The following C12orf42 variants were observed in gnomAD, a reference collection of about 807,000 sequenced individuals.
The protein encoded by C12orf42 is uncharacterized protein C12orf42.
Under a neutral mutation model 21.6 loss-of-function variants are expected in C12orf42, and 25 were observed. The ratio of observed to expected loss-of-function variants is 1.16; its 90% CI spans 0.84 to 1.62. C12orf42 has a LOEUF of 1.62. C12orf42 is among the 40% of genes most tolerant of loss of function. The probability of loss-of-function intolerance (pLI) is 0.00; values close to 1 mark genes in which losing one functional copy is unlikely to be tolerated. For missense variants in C12orf42, 483 were observed against 459.3 expected (o/e 1.05, Z -0.47); for synonymous variants, 174 against 175.0 (o/e 0.99, Z 0.05).
intron 2 of C12orf42, among the ~76,000 whole-genome samples, chr12:103,426,981 C>A (rs558671443): frequency 2.0e-5 from 3 of 152,190 alleles, no homozygotes; most frequent in African/African-American, 2.4e-5. Flanking sequence ...AAAGAAAAAA[C>A]CAGTACCAGC....
chr12:103,518,982 C>T, the C12orf42 span, among the ~76,000 whole-genome samples: 31 of 152,268 alleles, frequency 2.0e-4, no homozygotes, highest in African/African-American at 6.5e-4. Context: ...TTGTAATCCC[C>T]GTAACCCCCC....
At chr12:103,222,631 G>A in the C12orf42 span, among the ~76,000 whole-genome samples, 3 of 152,076 alleles carry the variant, frequency 2.0e-5, no homozygotes, top group Non-Finnish European at 4.4e-5. Context: ...TGAGACTATA[G>A]GAAGTGAGAC....
intron 3 of C12orf42, among the ~76,000 whole-genome samples, chr12:103,369,877 A>G (rs555243064): frequency 1.4e-4 from 22 of 152,238 alleles, no homozygotes; most frequent in African/African-American, 4.8e-4. Flanking sequence ...AAATTGACAA[A>G]TGGGATCTAA....
chr12:103,477,327 C>T (rs1954132699), intron 2 of C12orf42, among the ~76,000 whole-genome samples: 1 of 151,890 alleles, frequency 6.6e-6, no homozygotes, highest in African/African-American at 2.4e-5. Flanking sequence ...AAGTGTTCTA[C>T]TCCAAGAGAA....
At chr12:103,300,680 A>G (rs1315143011), downstream of C12orf42, among the ~76,000 whole-genome samples, 1 of 152,218 alleles carries the variant, frequency 6.6e-6, no homozygotes, top group Non-Finnish European at 1.5e-5. Flanking sequence ...TTAACTCATA[A>G]TTAAATAGCA....
intron 10 of C12orf42, among the ~76,000 whole-genome samples, chr12:103,252,006 GGTTT>G (rs1352582447): frequency 3.3e-5 from 5 of 152,130 alleles, no homozygotes; most frequent in Non-Finnish European, 7.3e-5. Flanking sequence ...TGAATATGCA[GGTTT>G]GTTACGTAGG....
At chr12:103,059,410 T>C in the C12orf42 span, among the ~76,000 whole-genome samples, 1 of 152,198 alleles carries the variant, frequency 6.6e-6, no homozygotes, top group Non-Finnish European at 1.5e-5. Flanking sequence ...AAAGAGGAGC[T>C]GGTACCATTC....
At chr12:103,294,906 C>T (rs1312140274) in intron 4 of C12orf42, among the ~76,000 whole-genome samples, 1 of 152,072 alleles carries the variant, frequency 6.6e-6, no homozygotes, top group Non-Finnish European at 1.5e-5. Context: ...GATCCTCTCC[C>T]TCCTCCCATC....
At chr12:103,060,790 G>C in the C12orf42 span, among the ~76,000 whole-genome samples, 1 of 152,038 alleles carries the variant, frequency 6.6e-6, no homozygotes, top group Non-Finnish European at 1.5e-5. Flanking sequence ...ACTGAAACTG[G>C]ACCCCTTCTT....
At chr12:103,345,154 T>C (rs919486937) in intron 4 of C12orf42, among the ~76,000 whole-genome samples, 3 of 152,178 alleles carry the variant, frequency 2.0e-5, no homozygotes, top group Non-Finnish European at 4.4e-5. Flanking sequence ...ATAAGGATTT[T>C]TGGGATCATT....
intron 2 of C12orf42, among the ~76,000 whole-genome samples, chr12:103,460,271 CA>C (rs34037201): frequency 1.9e-3 from 199 of 104,970 alleles, no homozygotes; most frequent in African/African-American, 5.1e-3. Context: ...TTGGACAGAA[CA>C]AAAAAAAAAA....
chr12:103,428,744 G>C (rs912764370), intron 2 of C12orf42, among the ~76,000 whole-genome samples: 2 of 152,106 alleles, frequency 1.3e-5, no homozygotes, highest in Non-Finnish European at 2.9e-5. Context: ...ACTGAATCCA[G>C]CAGCACATCA....
At chr12:103,123,326 T>G in the C12orf42 span, among the ~76,000 whole-genome samples, 2 of 152,138 alleles carry the variant, frequency 1.3e-5, no homozygotes, top group African/African-American at 4.8e-5. Flanking sequence ...ATCCTCAGAC[T>G]GACTGGGTGA....
At chr12:103,159,039 T>C in the C12orf42 span, among the ~76,000 whole-genome samples, 2 of 152,152 alleles carry the variant, frequency 1.3e-5, no homozygotes, top group Non-Finnish European at 1.5e-5. Flanking sequence ...TCACAAAACA[T>C]AGATCTTCTT....
the C12orf42 span, among the ~76,000 whole-genome samples, chr12:103,526,688 A>C: frequency 7.2e-5 from 11 of 152,208 alleles, no homozygotes; most frequent in Non-Finnish European, 1.6e-4. Flanking sequence ...CAATCCTGAC[A>C]TGCTCCCTCT....
At chr12:103,171,305 C>T in the C12orf42 span, among the ~76,000 whole-genome samples, 1 of 152,108 alleles carries the variant, frequency 6.6e-6, no homozygotes, top group Non-Finnish European at 1.5e-5. Context: ...ATCTTCCCTT[C>T]CTAGAGAGTA....
At chr12:103,400,817 C>T (rs1437772692) in intron 3 of C12orf42, among the ~76,000 whole-genome samples, 1 of 152,184 alleles carries the variant, frequency 6.6e-6, no homozygotes, top group African/African-American at 2.4e-5. Flanking sequence ...ACTATCTCCT[C>T]CTCATGTGCT....
intron 2 of C12orf42, among the ~76,000 whole-genome samples, chr12:103,422,934 T>C (rs540599029): frequency 1.1e-4 from 17 of 152,216 alleles, no homozygotes; most frequent in Non-Finnish European, 2.2e-4. Context: ...GTATTTTCCC[T>C]GTAGCATTTT....
chr12:103,316,814 GAA>G (rs796082267), intron 4 of C12orf42, among the ~76,000 whole-genome samples: 3 of 142,662 alleles, frequency 2.1e-5, no homozygotes, highest in African/African-American at 2.6e-5. Context: ...ACTTATACTG[GAA>G]AAAAAAAAAA....
Sources: gnomAD v4.1 joint callset for allele counts (sites outside exome capture counted in the v4.1 genomes callset) on GRCh38, gnomAD v4.1.1 for gene constraint, MANE v1.5 for transcripts, NCBI Gene and HGNC (gene_info 2026-07-23, HGNC 2026-07-21) for gene names.